ACTR3B: variants seen among roughly 807,000 people sequenced by gnomAD.
The protein encoded by ACTR3B is actin related protein 3B, also known as actin-related protein 3B.
A neutral mutation model predicts 59.0 loss-of-function variants in ACTR3B; 8 were observed. The ratio of observed to expected loss-of-function variants is 0.14; its 90% confidence interval spans 0.08 to 0.24. ACTR3B has a LOEUF of 0.24. ACTR3B is among the 10% of genes least tolerant of loss of function. The pLI is 1.00. For missense variants in ACTR3B, 245 were observed against 552.3 expected, an observed-to-expected ratio of 0.44 and a Z score of 5.58; for synonymous variants, 148 against 197.9, an observed-to-expected ratio of 0.75 and a Z score of 2.12.
chr7:152,817,905 C>T (rs936585517), intron 6 of ACTR3B, among the ~76,000 whole-genome samples: 5 of 152,314 alleles, frequency 3.3e-5, no homozygotes, highest in African/African-American at 7.2e-5. Flanking sequence ...GCTTAATGGT[C>T]GATGGGCCTA....
Position 152,797,857 on chromosome 7 carries a change from C to A in ACTR3B, c.101-2674C>A, listed in dbSNP as rs1476144943. Among the ~76,000 whole-genome samples the A allele has an allele frequency of 9.9e-5, 15 of 152,000 alleles. 1 individual carries two copies. Among genetic ancestry groups the A allele is most frequent in the Admixed American group, 9.8e-4 (15 of 15,256 alleles). ...GTTCATCCATGTTGTGGGCAGATGG[C>A]AGAATTTCCTTTTTTTTTTAAATGG... is the stretch of plus-strand genomic sequence containing the variant. On this transcript the variant is annotated intron_variant, in intron 2 of 11. Transcript: ENST00000256001.
rs1438718267 is a variant in ACTR3B at position 152,824,403 on chromosome 7, T to G, written c.859-627T>G. Reference sequence around the variant, plus strand: ...CTCCTCCTTCCTCTGAGAGTGCACATTCAAGCTTACTTTGATTTTTTAAAA... The same window carrying G: ...CTCCTCCTTCCTCTGAGAGTGCACAGTCAAGCTTACTTTGATTTTTTAAAA... On this transcript the variant is annotated intron_variant, in intron 8 of 11. Transcript: ENST00000256001. The surrounding 1 kb of genome is among the most constrained non-coding windows in gnomAD (Gnocchi z 4.2). Among the ~76,000 whole-genome samples the G allele has an allele frequency of 6.6e-6, 1 of 152,242 alleles. No homozygotes were observed. The highest frequency in any genetic ancestry group is 2.4e-5 in the African/African-American group (1 of 41,456).
In ACTR3B at chr7:152,845,588, C is replaced by A. The variant is rs556695230; in HGVS notation, c.952-6538C>A. On this transcript the variant is annotated intron_variant, in intron 9 of 11. Transcript: ENST00000256001. ...CGCAAAGGAGCAGCGCGAATGAGGGCTGTTTGGCCTCCGCCTGTTGCTGGG... is the reference window on the plus strand; with the variant it reads ...CGCAAAGGAGCAGCGCGAATGAGGGATGTTTGGCCTCCGCCTGTTGCTGGG... Among the ~76,000 whole-genome samples the A allele has an allele frequency of 2.1e-3, 323 of 152,298 alleles. 3 individuals carry two copies. The highest frequency in any genetic ancestry group is 6.2e-3 in the African/African-American group (257 of 41,544).
chr7:152,762,650 G>T (rs1020867401), intron 1 of ACTR3B, among the ~76,000 whole-genome samples: 10 of 152,156 alleles, frequency 6.6e-5, no homozygotes, highest in African/African-American at 2.4e-4. Flanking sequence ...CCTATATACA[G>T]TATGGATTCA....
chr7:152,766,339 T>C (rs1590190734), intron 1 of ACTR3B, among the ~76,000 whole-genome samples: 2 of 152,136 alleles, frequency 1.3e-5, no homozygotes, highest in East Asian at 3.9e-4. Context: ...GGGCCCAAGG[T>C]TTTCACTGGG....
chr7:152,794,523 C>T (rs1250210348), intron 2 of ACTR3B, among the ~76,000 whole-genome samples: 1 of 152,192 alleles, frequency 6.6e-6, no homozygotes, highest in Non-Finnish European at 1.5e-5. Context: ...GCTATCTTTA[C>T]AATCTTTTAT....
chr7:152,777,654 A>C (rs559135795), intron 1 of ACTR3B, among the ~76,000 whole-genome samples: 1 of 152,270 alleles, frequency 6.6e-6, no homozygotes, highest in Non-Finnish European at 1.5e-5. Flanking sequence ...TACAGTTATC[A>C]TCTATAAAGA....
At chr7:152,820,850 G>T (rs1302812249) in intron 7 of ACTR3B, among the ~76,000 whole-genome samples, 1 of 152,244 alleles carries the variant, frequency 6.6e-6, no homozygotes, top group African/African-American at 2.4e-5. Flanking sequence ...TTCACACACA[G>T]GTGTGGCTGT....
At position 152,831,238 on chromosome 7, in the gene ACTR3B, G is replaced by T. The variant is rs555661012; in HGVS notation, c.951+6116G>T. Reference sequence around the variant, plus strand: ...CAAGAACATTAAGACACCTGTTGCCGTGGGAGGCTGGTGGAGATGTGGATG... The same window carrying T: ...CAAGAACATTAAGACACCTGTTGCCTTGGGAGGCTGGTGGAGATGTGGATG... On this transcript the variant is annotated intron_variant, in intron 9 of 11. Transcript: ENST00000256001. Among the ~76,000 whole-genome samples, 3 of 152,378 alleles carry T rather than the reference G, an allele frequency of 2.0e-5. No individual in the cohort carries two copies. The South Asian group carries it at 6.2e-4, about 32-fold the overall frequency.
chr7:152,803,309 A>C (rs2098242693), intron 4 of ACTR3B, among the ~76,000 whole-genome samples: 1 of 152,138 alleles, frequency 6.6e-6, no homozygotes, highest in South Asian at 2.1e-4. Flanking sequence ...TAGCCTCCCA[A>C]AGCGTTGGGA....
At chr7:152,810,731 GTCTCTACTA>G (rs1795162213) in intron 4 of ACTR3B, 1 of 151,892 alleles carries the variant, frequency 6.6e-6, no homozygotes, top group African/African-American at 2.4e-5. Flanking sequence ...GTGAAACCCT[GTCTCTACTA>G]AAAATACAAA....
intron 1 of ACTR3B, among the ~76,000 whole-genome samples, chr7:152,760,747 A>T (rs2098087076): frequency 6.6e-6 from 1 of 152,206 alleles, no homozygotes; most frequent in South Asian, 2.1e-4. Flanking sequence ...GATCTTAGGA[A>T]ATGCCCTGAA....
intron 9 of ACTR3B, among the ~76,000 whole-genome samples, chr7:152,836,334 G>A (rs1225656399): frequency 1.3e-5 from 2 of 151,932 alleles, no homozygotes; most frequent in African/African-American, 2.4e-5. Context: ...AGGGGCTCAC[G>A]CCTCTGTAAT....
rs397843474 is a variant in ACTR3B, at chr7:152,771,811, C to T, written c.45-11376C>T. Among the ~76,000 whole-genome samples the T allele has an allele frequency of 9.2e-5, 14 of 152,306 alleles. 1 individual carries two copies. The South Asian group carries it at 1.0e-3, about 11-fold the overall frequency. On this transcript the variant is annotated intron_variant, in intron 1 of 11. Coordinates refer to ENST00000256001, the MANE Select transcript of ACTR3B (RefSeq NM_020445.6). Reference sequence around the variant, plus strand: ...GAAAGATAGGCCGGGCACGGTGGCTCGTGCCTATAATCCCAGCACTTTGGG... The same window carrying T: ...GAAAGATAGGCCGGGCACGGTGGCTTGTGCCTATAATCCCAGCACTTTGGG...
chr7:152,849,838 A>T (rs2117010517), intron 9 of ACTR3B, among the ~76,000 whole-genome samples: 1 of 152,386 alleles, frequency 6.6e-6, no homozygotes, highest in African/African-American at 2.4e-5. Flanking sequence ...ACTCGGTAGA[A>T]TTGGAGCAGA....
At chr7:152,808,164 G>A (rs541399076) in intron 4 of ACTR3B, among the ~76,000 whole-genome samples, 74 of 152,106 alleles carry the variant, frequency 4.9e-4, no homozygotes, top group Non-Finnish European at 8.8e-4. Context: ...TTCACTTAGC[G>A]TCTTCAAGCT....
intron 1 of ACTR3B, among the ~76,000 whole-genome samples, chr7:152,771,545 A>G (rs1326822403): frequency 6.6e-6 from 1 of 152,206 alleles, no homozygotes; most frequent in Non-Finnish European, 1.5e-5. Flanking sequence ...GGTCATGGTG[A>G]TTAGAGAGAA....
chr7:152,780,756 C>T (rs967795401), intron 1 of ACTR3B, among the ~76,000 whole-genome samples: 6 of 151,852 alleles, frequency 4.0e-5, no homozygotes, highest in Non-Finnish European at 7.4e-5. Flanking sequence ...ACAAATTAAA[C>T]TGTCCATGGT....
intron 9 of ACTR3B, among the ~76,000 whole-genome samples, chr7:152,831,307 C>T (rs1349492084): frequency 6.6e-6 from 1 of 152,218 alleles, no homozygotes; most frequent in African/African-American, 2.4e-5. Flanking sequence ...TGTCAGTGAG[C>T]ACCTGCAGAG....
Sources: allele counts gnomAD v4.1 joint callset (sites outside exome capture counted in the v4.1 genomes callset), GRCh38; gene constraint gnomAD v4.1.1; non-coding constraint Gnocchi (gnomAD v3.1); transcripts MANE v1.5; gene names NCBI Gene and HGNC (gene_info 2026-07-23, HGNC 2026-07-21).